The following CACNA1C variants were observed in gnomAD, a reference collection of about 807,000 sequenced individuals.
CACNA1C encodes the protein calcium voltage-gated channel subunit alpha1 C, also known as voltage-dependent L-type calcium channel subunit alpha-1C.
In CACNA1C, 30 loss-of-function variants were observed where a neutral mutation model predicts 229.0. The observed-to-expected ratio is 0.13, with a 90% CI of 0.10 to 0.18. The LOEUF is 0.18. CACNA1C is among the 10% of genes least tolerant of loss of function. CACNA1C has a pLI of 1.00. For missense variants in CACNA1C, 1,658 were observed against 2,845.0 expected (o/e 0.58, Z 9.49); for synonymous variants, 1,114 against 1,132.5 (o/e 0.98, Z 0.33).
rs543829355 is a variant in CACNA1C at position 2,564,308 on chromosome 12, T to TG, written c.1509-2111dup. Among the ~76,000 whole-genome samples the TG allele has an allele frequency of 3.6e-3, 546 of 152,320 alleles. 5 individuals carry two copies. The highest frequency in any genetic ancestry group is 0.013 in the African/African-American group (524 of 41,562). ...CTCAATAGATTTCATGACCCACTAA[T>TG]GGGCTGCAGTGTGAGGTTTGAAACC... On this transcript the variant is annotated intron_variant, in intron 11 of 46. Coordinates refer to ENST00000399655, the MANE Select transcript of CACNA1C (RefSeq NM_000719.7).
intron 6 of CACNA1C, among the ~76,000 whole-genome samples, chr12:2,491,062 TACTG>T (rs1268673413): frequency 6.6e-6 from 1 of 152,246 alleles, no homozygotes; most frequent in Non-Finnish European, 1.5e-5. Context: ...GAACAGAGCC[TACTG>T]ATATATGCAG....
chr12:2,238,585 C>T (rs1177336521), intron 3 of CACNA1C, among the ~76,000 whole-genome samples: 1 of 152,172 alleles, frequency 6.6e-6, no homozygotes, highest in Non-Finnish European at 1.5e-5. Flanking sequence ...TCTGACAGGC[C>T]TCAAAGAAAT....
intron 9 of CACNA1C, among the ~76,000 whole-genome samples, chr12:2,517,467 A>G (rs903127130): frequency 1.3e-5 from 2 of 152,254 alleles, no homozygotes; most frequent in African/African-American, 4.8e-5. Context: ...CTTGGAAAAA[A>G]GAGGACGTGA....
At chr12:2,628,665 G>T (rs181487705) in intron 29 of CACNA1C, among the ~76,000 whole-genome samples, 2 of 152,226 alleles carry the variant, frequency 1.3e-5, no homozygotes, top group Non-Finnish European at 2.9e-5. Flanking sequence ...CTAACACTTT[G>T]CAGGGCGGAG....
chr12:2,395,458 A>G (rs2098552939), intron 3 of CACNA1C, among the ~76,000 whole-genome samples: 1 of 152,082 alleles, frequency 6.6e-6, no homozygotes, highest in Admixed American at 6.5e-5. Context: ...GCCTCATGTG[A>G]TCCATCCACC....
rs976119927 is a variant in CACNA1C, at chr12:2,581,176, G to A, written c.1896-414G>A. 3.3e-5 allele frequency among the ~76,000 whole-genome samples: 5 copies of A among 152,208 alleles called. No homozygotes were observed. In the South Asian group the frequency reaches 1.0e-3, roughly 32 times the overall value. ...ACCAACCTTTATCAACTATGTGCCA[G>A]GCACTCTACAGGGGGCTCTTTGGGG... is the stretch of plus-strand genomic sequence containing the variant. On this transcript the variant is annotated intron_variant, in intron 13 of 46. Coordinates refer to ENST00000399655, the MANE Select transcript of CACNA1C (RefSeq NM_000719.7).
chr12:2,097,100 G>A (rs1346224194), intron 1 of CACNA1C, among the ~76,000 whole-genome samples: 1 of 152,106 alleles, frequency 6.6e-6, no homozygotes, highest in Non-Finnish European at 1.5e-5. Flanking sequence ...ACCCAGAAAT[G>A]GAATTGCTGG....
intron 8 of CACNA1C, among the ~76,000 whole-genome samples, chr12:2,506,538 A>G (rs1267258933): frequency 1.3e-5 from 2 of 152,240 alleles, no homozygotes; most frequent in Non-Finnish European, 2.9e-5. Flanking sequence ...ATAAGTGCCC[A>G]ATAATGGTGC....
chr12:2,241,953 C>G (rs2070555192), intron 3 of CACNA1C, among the ~76,000 whole-genome samples: 1 of 152,176 alleles, frequency 6.6e-6, no homozygotes, highest in Middle Eastern at 3.2e-3. Flanking sequence ...GCTGGCACTA[C>G]CATGCATGGT....
At chr12:2,001,986 A>G (rs964550404) in intron 1 of CACNA1C, among the ~76,000 whole-genome samples, 11 of 152,222 alleles carry the variant, frequency 7.2e-5, no homozygotes, top group African/African-American at 2.2e-4. Context: ...CAATTGACAC[A>G]TAGGTATTAA....
At chr12:2,004,277 C>G (rs2154480295) in intron 1 of CACNA1C, 8 of 1,613,018 alleles carry the variant, frequency 5.0e-6, no homozygotes, top group Non-Finnish European at 5.9e-6. Flanking sequence ...CGCGTCCGCA[C>G]GCACCCACTC....
upstream of CACNA1C, among the ~76,000 whole-genome samples, chr12:2,051,875 A>C (rs1029185728): frequency 1.3e-5 from 2 of 152,220 alleles, no homozygotes; most frequent in Non-Finnish European, 2.9e-5. Context: ...TCTGGGCTGG[A>C]GATAGACATT....
chr12:2,619,821 G>A (rs1301901959), intron 29 of CACNA1C, among the ~76,000 whole-genome samples: 2 of 152,040 alleles, frequency 1.3e-5, no homozygotes, highest in Admixed American at 6.6e-5. Context: ...CGTGCTAGGC[G>A]GTAGGCTTGG....
chr12:2,246,289 C>G (rs893286157), intron 3 of CACNA1C, among the ~76,000 whole-genome samples: 3 of 152,064 alleles, frequency 2.0e-5, no homozygotes, highest in Admixed American at 2.0e-4. Context: ...ACCTTGCTGC[C>G]CAGCAGATGA....
intron 1 of CACNA1C, among the ~76,000 whole-genome samples, chr12:2,103,620 CT>C (rs2077187422): frequency 6.6e-6 from 1 of 152,142 alleles, no homozygotes; most frequent in African/African-American, 2.4e-5. Flanking sequence ...GTTGCCATTG[CT>C]TTTGGTGTTT....
intron 3 of CACNA1C, among the ~76,000 whole-genome samples, chr12:2,306,211 G>A (rs949609541): frequency 4.6e-5 from 7 of 152,218 alleles, no homozygotes; most frequent in Non-Finnish European, 8.8e-5. Flanking sequence ...ACTTCCGGAA[G>A]CTGTGGTTTG....
At chr12:2,434,590 G>A (rs1453899993) in intron 3 of CACNA1C, among the ~76,000 whole-genome samples, 1 of 152,210 alleles carries the variant, frequency 6.6e-6, no homozygotes, top group Non-Finnish European at 1.5e-5. Context: ...ACGAAGGGGA[G>A]TGGGGATTAT....
At chr12:2,189,606 T>G (rs2097151413) in intron 3 of CACNA1C, among the ~76,000 whole-genome samples, 3 of 152,158 alleles carry the variant, frequency 2.0e-5, no homozygotes, top group Admixed American at 1.3e-4. Context: ...GGCAGAGGGC[T>G]GCTAACTGGC....
At chr12:2,662,590 C>G (rs10848682) in intron 34 of CACNA1C, among the ~76,000 whole-genome samples, 93,065 of 152,092 alleles carry the variant, frequency 0.61, 30,456 homozygotes, top group Non-Finnish European at 0.73. Context: ...CAGTGCAATT[C>G]TAATAAGACT....
Sources: allele counts gnomAD v4.1 joint callset (sites outside exome capture counted in the v4.1 genomes callset), GRCh38; gene constraint gnomAD v4.1.1; transcripts MANE v1.5; gene names NCBI Gene and HGNC (gene_info 2026-07-23, HGNC 2026-07-21).